Variants in ZNF554 observed in about 807,000 individuals in gnomAD.
The protein encoded by ZNF554 is zinc finger protein 554.
In ZNF554, 15 loss-of-function variants were observed where a neutral mutation model predicts 21.2. That is an observed-to-expected ratio of 0.71 (90% CI 0.47 to 1.09). ZNF554 has a LOEUF of 1.09. Ranked by LOEUF, ZNF554 falls within the 50% of genes least tolerant of loss-of-function variation. The pLI, the probability that ZNF554 is intolerant of heterozygous loss-of-function variation, is 0.00. For synonymous variants in ZNF554, 258 were observed against 251.4 expected (o/e 1.03, Z -0.25); for missense variants, 691 against 662.7 (o/e 1.04, Z -0.47).
intron 2 of ZNF554, among the ~76,000 whole-genome samples, chr19:2,825,602 T>A (rs750721085): frequency 3.3e-5 from 5 of 152,246 alleles, no homozygotes; most frequent in Non-Finnish European, 7.3e-5. Flanking sequence ...TAAAATATTT[T>A]AAAAATTTTT....
At chr19:2,826,646 T>C (rs2144810404) in intron 2 of ZNF554, among the ~76,000 whole-genome samples, 1 of 151,878 alleles carries the variant, frequency 6.6e-6, no homozygotes, top group African/African-American at 2.4e-5. Flanking sequence ...TGGGTCAAGG[T>C]TGTTGTAGCA....
In ZNF554 at chr19:2,835,123, C is replaced by T; in HGVS notation, c.*271C>T. 2.6e-6 allele frequency: 1 copy of T among 389,070 alleles called. No individual in the cohort carries two copies. The highest frequency in any genetic ancestry group is 4.8e-5 in the East Asian group (1 of 21,020). The allele number at this position is 389,070 out of a possible 1,614,324, so 24.1% of individuals were successfully genotyped here. The stretch of plus-strand genomic sequence containing the variant: ...AAGTAATCCTCCCACCCCAGCCTCC[C>T]AGGTAGCTAGTACTATAGGTGTGCA... On this transcript the variant is annotated 3_prime_UTR_variant, in exon 5 of 5. Transcript: ENST00000317243.
chr19:2,827,770 G>GT, intron 3 of ZNF554, 27 bp downstream of exon 3: 1 of 1,613,336 alleles, frequency 6.2e-7, no homozygotes, highest in South Asian at 1.1e-5. Flanking sequence ...TAATTCCTGT[G>GT]TTCATTGATT....
rs748145442 is a variant in ZNF554, at chr19:2,833,844, G to C, written c.609G>C (p.Lys203Asn). 2 of 1,612,772 alleles carry C rather than the reference G, an allele frequency of 1.2e-6. No homozygotes were observed. Among genetic ancestry groups the C allele is most frequent in the Non-Finnish European group, 1.7e-6 (2 of 1,179,218 alleles). The change falls in exon 5 of 5, where the codon AAG becomes AAC. Residue 203 changes from lysine (K) to asparagine (N), a missense_variant. Physicochemically the swap from Lys to Asn is moderately conservative, Grantham distance 94 (BLOSUM62 0). Transcript: ENST00000317243. Reference protein sequence around the residue: ...HEDPQGLLSQKASLHVVAVPQ... With the variant: ...HEDPQGLLSQNASLHVVAVPQ... ...ACCCCCAGGGGCTTTTGAGCCAAAA[G>C]GCATCCCTTCACGTAGTGGCCGTTC...
intron 3 of ZNF554, among the ~76,000 whole-genome samples, chr19:2,828,086 C>T (rs1269280506): frequency 6.6e-6 from 1 of 152,168 alleles, no homozygotes; most frequent in African/African-American, 2.4e-5. Flanking sequence ...TGGCTCCACC[C>T]TTGACGTCGG....
In ZNF554 at chr19:2,835,988, C is replaced by A. The variant is rs2087492587; in HGVS notation, c.*1136C>A. Among the ~76,000 whole-genome samples the A allele has an allele frequency of 6.6e-6, 1 of 152,086 alleles. No individual in the cohort carries two copies. Among genetic ancestry groups the A allele is most frequent in the South Asian group, 2.1e-4 (1 of 4,816 alleles). On this transcript the variant is annotated 3_prime_UTR_variant, in exon 5 of 5. Coordinates refer to ENST00000317243, the MANE Select transcript of ZNF554 (RefSeq NM_001102651.2). ...GGACTACACATGTGCACCGCTACCA[C>A]ACCCAGCTAAATTTTTTTTTTGTAT...
rs1319612270 is a variant in ZNF554, at chr19:2,833,904, G to A, written c.669G>A (p.Gly223=). 1 of 1,613,984 alleles carries A rather than the reference G, an allele frequency of 6.2e-7. No individual in the cohort carries two copies. The highest frequency in any genetic ancestry group is 1.3e-5 in the African/African-American group (1 of 75,054). ...QEKATAWHGF[G]ENGNLSPALV... is the part of the protein sequence containing the mutation. ...AGGCTACTGCATGGCATGGATTTGG[G>A]GAAAATGGTAATCTGAGCCCAGCCC... Residue 223 remains glycine, a synonymous_variant, in exon 5 of 5, where the codon GGG becomes GGA. Transcript: ENST00000317243.
At chr19:2,832,282 G>C in intron 3 of ZNF554, 21 bp from the exon 4 acceptor site, 1 of 1,560,264 alleles carries the variant, frequency 6.4e-7, no homozygotes, top group Non-Finnish European at 8.6e-7. Context: ...TACCTCTCAA[G>C]TATACTCTTG....
intron 2 of ZNF554, among the ~76,000 whole-genome samples, chr19:2,826,892 GACGTCGTGATCC>G (rs1385339779): frequency 6.6e-6 from 1 of 152,080 alleles, no homozygotes; most frequent in Non-Finnish European, 1.5e-5. Context: ...TCGATCTCCT[GACGTCGTGATCC>G]ACCCGCCTCG....
intron 1 of ZNF554, 28 bp from the exon 2 acceptor site, chr19:2,823,012 A>G: frequency 6.2e-7 from 1 of 1,609,044 alleles, no homozygotes; most frequent in Non-Finnish European, 8.5e-7. Flanking sequence ...TGGATCTGGT[A>G]TTCGCAGCGC....
At chr19:2,831,092 A>G (rs2087410309) in intron 3 of ZNF554, 1 of 152,094 alleles carries the variant, frequency 6.6e-6, no homozygotes, top group African/African-American at 2.4e-5. Flanking sequence ...ATCAGCATGT[A>G]TATTTTCCAT....
intron 1 of ZNF554, among the ~76,000 whole-genome samples, chr19:2,822,495 C>T (rs961058979): frequency 3.5e-4 from 54 of 152,164 alleles, no homozygotes; most frequent in African/African-American, 1.3e-3. Flanking sequence ...ATGCATGGAG[C>T]GCTTCACTTC....
intron 2 of ZNF554, among the ~76,000 whole-genome samples, chr19:2,825,439 G>C (rs2087319339): frequency 6.6e-6 from 1 of 152,084 alleles, no homozygotes; most frequent in Admixed American, 6.5e-5. Context: ...AGCCTCCCAA[G>C]TAGCTGAGAT....
chr19:2,832,214 C>T lies in ZNF554; in HGVS notation c.254-89C>T, dbSNP rs185582507. The T allele has an allele frequency of 7.7e-5, 103 of 1,342,588 alleles. No homozygotes were observed. In the African/African-American group the frequency reaches 1.4e-3, roughly 19 times the overall value. 83.2% of individuals were successfully genotyped at this position (1,342,588 alleles called of 1,614,324 possible). A position where few individuals can be genotyped will look rare whatever the true frequency, so the allele number is the denominator to read the frequency against. On this transcript the variant is annotated intron_variant, in intron 3 of 4. Transcript: ENST00000317243. ...TTGCTGGGATTACAGGAGTGAGCCA[C>T]CATGCCTGGCACAGATCTGTAATTT...
chr19:2,820,271 C>A, intron 1 of ZNF554, 147 bp downstream of exon 1: 1 of 771,218 alleles, frequency 1.3e-6, no homozygotes, highest in Non-Finnish European at 1.7e-6. Context: ...GCAGCTCGCC[C>A]AGGGCCCCAA....
chr19:2,820,229 C>T (rs1301061677), intron 1 of ZNF554, 105 bp downstream of exon 1: 2 of 1,055,584 alleles, frequency 1.9e-6, no homozygotes, highest in Non-Finnish European at 2.4e-6. Flanking sequence ...GACCCTGTCG[C>T]GATAGGGTCC....
chr19:2,828,526 TA>T (rs1237022484), intron 3 of ZNF554, among the ~76,000 whole-genome samples: 2 of 151,868 alleles, frequency 1.3e-5, no homozygotes, highest in Non-Finnish European at 2.9e-5. Context: ...CTGTCTCTAC[TA>T]AAAATGGCGG....
At chr19:2,823,333 CG>C (rs533505610) in intron 2 of ZNF554, among the ~76,000 whole-genome samples, 1,697 of 152,224 alleles carry the variant, frequency 0.011, 19 homozygotes, top group Middle Eastern at 0.017. Flanking sequence ...GACAGTATTA[CG>C]GGATCCCTGG....
At chr19:2,827,164 A>G (rs915698404) in intron 2 of ZNF554, among the ~76,000 whole-genome samples, 8 of 152,236 alleles carry the variant, frequency 5.3e-5, no homozygotes, top group African/African-American at 1.9e-4. Context: ...CCTCACGACA[A>G]CACACTTTGG....
Sources: allele counts gnomAD v4.1 joint callset (sites outside exome capture counted in the v4.1 genomes callset), GRCh38; gene constraint gnomAD v4.1.1; transcripts MANE v1.5; gene names NCBI Gene and HGNC (gene_info 2026-07-23, HGNC 2026-07-21).